Variants in IGF1 observed in about 807,000 individuals in gnomAD.
IGF1 encodes the protein insulin-like growth factor 1.
IGF1 carries 4 observed loss-of-function variants against 13.8 expected under a neutral mutation model. The observed-to-expected ratio is 0.29, with a 90% CI of 0.14 to 0.66. The LOEUF is 0.66. Ranked by LOEUF, IGF1 falls within the 30% of genes least tolerant of loss-of-function variation. The pLI is 0.78. For missense variants in IGF1, 124 were observed against 188.5 expected, an observed-to-expected ratio of 0.66 and a Z score of 2.00; for synonymous variants, 76 against 72.6, an observed-to-expected ratio of 1.05 and a Z score of -0.23.
intron 2 of IGF1, among the ~76,000 whole-genome samples, chr12:102,456,206 T>C (rs1235516578): frequency 6.7e-6 from 1 of 149,334 alleles, no homozygotes; most frequent in African/African-American, 2.5e-5. Flanking sequence ...TATTCAATTT[T>C]TTCCATTTAA....
At chr12:102,404,701 G>A (rs1314699639) in intron 3 of IGF1, among the ~76,000 whole-genome samples, 1 of 151,754 alleles carries the variant, frequency 6.6e-6, no homozygotes, top group East Asian at 1.9e-4. Context: ...AGATACATTT[G>A]TTGTGGTGCA....
At chr12:102,452,968 A>AG (rs766212911) in intron 2 of IGF1, among the ~76,000 whole-genome samples, 5 of 152,114 alleles carry the variant, frequency 3.3e-5, no homozygotes, top group Non-Finnish European at 7.4e-5. Flanking sequence ...CTTCAATATG[A>AG]GAAAAAAAAA....
intron 2 of IGF1, among the ~76,000 whole-genome samples, chr12:102,448,009 T>C (rs899589467): frequency 2.0e-5 from 3 of 152,102 alleles, no homozygotes; most frequent in African/African-American, 7.2e-5. Flanking sequence ...GAGAAAATTT[T>C]TTCAATCTAT....
rs113732363 is a variant in IGF1, at chr12:102,396,819, A to AT, written c.*5687dup. 7.9e-5 allele frequency: 31 copies of AT among 393,500 alleles called. No individual in the cohort carries two copies. The highest frequency in any genetic ancestry group is 4.0e-4 in the African/African-American group (19 of 47,180). 24.4% of individuals were successfully genotyped at this position (393,500 alleles called of 1,614,324 possible). A position where few individuals can be genotyped will look rare whatever the true frequency, so the allele number is the denominator to read the frequency against. ...TTTTTTTTACTTTAAAAAAGCTTGG[A>AT]TTTTTTTCCCCTTGAAAGACCCCAT... On this transcript the variant is annotated 3_prime_UTR_variant, in exon 4 of 4. Coordinates refer to ENST00000337514, the MANE Select transcript of IGF1 (RefSeq NM_000618.5).
chr12:102,449,839 C>G (rs928071084), intron 2 of IGF1, among the ~76,000 whole-genome samples: 1 of 151,948 alleles, frequency 6.6e-6, no homozygotes, highest in African/African-American at 2.4e-5. Flanking sequence ...CTCTGGATCA[C>G]CTGGGCTTTC....
intron 2 of IGF1, among the ~76,000 whole-genome samples, chr12:102,455,976 A>G (rs879586484): frequency 1.3e-5 from 2 of 152,210 alleles, no homozygotes; most frequent in East Asian, 3.8e-4. Context: ...CTCAGCAGCG[A>G]TGGCTTATGG....
intron 3 of IGF1, among the ~76,000 whole-genome samples, chr12:102,406,103 G>T (rs999277926): frequency 7.9e-5 from 12 of 152,198 alleles, no homozygotes; most frequent in African/African-American, 2.9e-4. Flanking sequence ...ACACGTGCAC[G>T]GTGGAGGCCA....
Position 102,402,480 on chromosome 12 carries a change from C to A in IGF1, c.*27G>T. 1.3e-6 allele frequency: 1 copy of A among 780,772 alleles called. No individual in the cohort carries two copies. The highest frequency in any genetic ancestry group is 1.3e-5 in the South Asian group (1 of 74,610). 48.4% of individuals were successfully genotyped at this position (780,772 alleles called of 1,614,324 possible). On this transcript the variant is annotated 3_prime_UTR_variant, in exon 4 of 4. Coordinates refer to ENST00000337514, the MANE Select transcript of IGF1 (RefSeq NM_000618.5). ...AGCAAAGGATCCTGCGGTGGCATGT[C>A]ACTCTTCACTCCTCAGGAGGGTCTT...
rs1380624833 is a variant in IGF1, at chr12:102,480,367, G to A, written c.15C>T (p.Ser5=). Residue 5 remains serine, a synonymous_variant, in exon 1 of 4, where the codon AGC becomes AGT. Coordinates refer to ENST00000337514, the MANE Select transcript of IGF1 (RefSeq NM_000618.5). MGKI[S]SLPTQLFKCC... is the part of the protein sequence containing the mutation. ...ACTTAAATAATTGGGTTGGAAGACT[G>A]CTGATTTTTCCCATTGCTTCTGAAG... 6.2e-7 allele frequency: 1 copy of A among 1,613,472 alleles called. No individual in the cohort carries two copies.
intron 2 of IGF1, among the ~76,000 whole-genome samples, chr12:102,472,469 A>G (rs1208007732): frequency 6.6e-6 from 1 of 152,196 alleles, no homozygotes; most frequent in East Asian, 1.9e-4. Context: ...AATGATAGAT[A>G]TGGAGGCAAT....
chr12:102,437,855 GC>G (rs1877379988), intron 2 of IGF1, among the ~76,000 whole-genome samples: 1 of 152,198 alleles, frequency 6.6e-6, no homozygotes, highest in East Asian at 1.9e-4. Flanking sequence ...CACAATGTAT[GC>G]ATGTATCAGA....
At chr12:102,463,065 A>G (rs1880045485) in intron 2 of IGF1, 1 of 152,194 alleles carries the variant, frequency 6.6e-6, no homozygotes, top group Non-Finnish European at 1.5e-5. Context: ...CGCAGCTGAA[A>G]TTTGTTATAT....
chr12:102,413,751 C>T (rs551772521), intron 3 of IGF1, among the ~76,000 whole-genome samples: 93 of 152,178 alleles, frequency 6.1e-4, no homozygotes, highest in Middle Eastern at 3.4e-3. Flanking sequence ...AATGAAAGCA[C>T]GTATTACACT....
intron 2 of IGF1, among the ~76,000 whole-genome samples, chr12:102,469,535 G>C (rs895988444): frequency 6.6e-6 from 1 of 152,132 alleles, no homozygotes; most frequent in Admixed American, 6.5e-5. Flanking sequence ...GCATCCTGAG[G>C]AAGTTTTCTT....
chr12:102,429,189 T>C (rs1169951245), intron 2 of IGF1, among the ~76,000 whole-genome samples: 3 of 152,202 alleles, frequency 2.0e-5, no homozygotes, highest in Admixed American at 1.3e-4. Flanking sequence ...GATAACATTA[T>C]TTCAGGAATT....
Position 102,452,257 on chromosome 12 carries a change from G to A in IGF1, c.220+23386C>T, listed in dbSNP as rs529970368. 7.4e-3 allele frequency among the ~76,000 whole-genome samples: 325 copies of A among 44,060 alleles called. 1 individual carries two copies. The highest frequency in any genetic ancestry group is 0.019 in the Admixed American group (40 of 2,140). The allele number at this position is 44,060 out of a possible 152,430, so 28.9% of individuals were successfully genotyped here. A position where few individuals can be genotyped will look rare whatever the true frequency, so the allele number is the denominator to read the frequency against. ...AGCCTGGGCGACAGAGCGAGACTCC[G>A]TCTCAAAAAAAAAAAAAAAAAAAAA... On this transcript the variant is annotated intron_variant, in intron 2 of 3. Coordinates refer to ENST00000337514, the MANE Select transcript of IGF1 (RefSeq NM_000618.5).
At chr12:102,480,643 T>A (rs17879774), upstream of IGF1, 7 of 1,325,892 alleles carry the variant, frequency 5.3e-6, no homozygotes, top group Non-Finnish European at 6.8e-6. Context: ...AACATTTGCC[T>A]TCTCTCTCTC....
intron 2 of IGF1, among the ~76,000 whole-genome samples, chr12:102,464,511 G>A (rs565947822): frequency 6.0e-5 from 9 of 150,008 alleles, no homozygotes; most frequent in African/African-American, 2.0e-4. Flanking sequence ...AACTTAGTCT[G>A]TGTTCTTCTG....
Position 102,421,011 on chromosome 12 carries a change from G to A in IGF1, c.221-1321C>T, listed in dbSNP as rs554643047. ...ATGTATTTTGCACTCCCTCATTGGG[G>A]GAGATCAGGCCCATGGTAATGGCCT... On this transcript the variant is annotated intron_variant, in intron 2 of 3. Transcript: ENST00000337514. Among the ~76,000 whole-genome samples the A allele has an allele frequency of 3.9e-5, 6 of 152,320 alleles. No homozygotes were observed. The East Asian group carries it at 1.2e-3, about 29-fold the overall frequency.
Sources: allele counts gnomAD v4.1 joint callset (sites outside exome capture counted in the v4.1 genomes callset), GRCh38; gene constraint gnomAD v4.1.1; transcripts MANE v1.5; gene names NCBI Gene and HGNC (gene_info 2026-07-23, HGNC 2026-07-21).